Variants in ACOT11 observed in about 807,000 individuals in gnomAD.
ACOT11 encodes acyl-CoA thioesterase 11, also known as acyl-coenzyme A thioesterase 11.
ACOT11 carries 69 observed loss-of-function variants against 77.5 expected under a neutral mutation model. The observed-to-expected ratio is 0.89, with a 90% confidence interval of 0.73 to 1.09. The LOEUF is 1.09. Ranked by LOEUF, ACOT11 falls within the 50% of genes least tolerant of loss-of-function variation. The probability of loss-of-function intolerance (pLI) is 0.00; values close to 1 mark genes in which losing one functional copy is unlikely to be tolerated. For synonymous variants in ACOT11, 279 were observed against 313.0 expected, an observed-to-expected ratio of 0.89 and a Z score of 1.15; for missense variants, 766 against 813.7, an observed-to-expected ratio of 0.94 and a Z score of 0.71.
intron 1 of ACOT11, chr1:54,548,546 G>A: frequency 1.5e-6 from 1 of 667,992 alleles, no homozygotes; most frequent in East Asian, 2.8e-5. Flanking sequence ...CCCAGGGGCT[G>A]TCAGATCCCC....
chr1:54,560,181 C>T (rs1653414095), intron 1 of ACOT11, among the ~76,000 whole-genome samples: 1 of 152,290 alleles, frequency 6.6e-6, no homozygotes, highest in African/African-American at 2.4e-5. Flanking sequence ...GAGGTACAAA[C>T]CTACTATGGC....
intron 8 of ACOT11, 75 bp from the exon 9 acceptor site, chr1:54,601,190 TGTGA>T (rs1238267666): frequency 2.8e-5 from 43 of 1,530,712 alleles, no homozygotes; most frequent in South Asian, 6.0e-5. Flanking sequence ...CATGTGTGTG[TGTGA>T]GTGTGTGTGT....
intron 1 of ACOT11, among the ~76,000 whole-genome samples, chr1:54,571,425 G>A (rs1461990632): frequency 6.6e-6 from 1 of 152,226 alleles, no homozygotes; most frequent in Non-Finnish European, 1.5e-5. Flanking sequence ...GCTTGAGGCT[G>A]AAGGCAGCAT....
intron 16 of ACOT11, among the ~76,000 whole-genome samples, chr1:54,633,617 A>G (rs1443864887): frequency 6.6e-6 from 1 of 152,228 alleles, no homozygotes; most frequent in African/African-American, 2.4e-5. Context: ...CAGCCCAACA[A>G]TTTGCCAGAC....
At chr1:54,565,978 C>T (rs1653717760) in intron 1 of ACOT11, among the ~76,000 whole-genome samples, 1 of 152,212 alleles carries the variant, frequency 6.6e-6, no homozygotes, top group Non-Finnish European at 1.5e-5. Context: ...CTCCCTCCCT[C>T]CTTCCTACCT....
intron 1 of ACOT11, among the ~76,000 whole-genome samples, chr1:54,582,768 C>T (rs180771854): frequency 1.3e-5 from 2 of 152,252 alleles, no homozygotes; most frequent in East Asian, 3.9e-4. Context: ...TGTGTGTCGG[C>T]GTCCCTGTGT....
intron 3 of ACOT11, among the ~76,000 whole-genome samples, chr1:54,588,689 C>T (rs115764941): frequency 0.022 from 3,372 of 152,240 alleles, 125 homozygotes; most frequent in African/African-American, 0.077. Flanking sequence ...TGTGTCTGGG[C>T]CAGCTCCAGG....
At chr1:54,635,105 C>T (rs1197615290) in exon 17 of ACOT11, 3 of 275,422 alleles carry the variant, frequency 1.1e-5, no homozygotes, top group Non-Finnish European at 2.0e-5. Context: ...TTGAGGCATA[C>T]CACCCTCAAA....
chr1:54,601,139 A>ATG, intron 8 of ACOT11, 130 bp from the exon 9 acceptor site: 2 of 913,770 alleles, frequency 2.2e-6, no homozygotes, highest in African/African-American at 2.1e-5. Flanking sequence ...GTGTGTGCAT[A>ATG]CGTGTGTGTG....
chr1:54,550,910 C>G (rs1038048985), intron 1 of ACOT11, among the ~76,000 whole-genome samples: 24 of 151,798 alleles, frequency 1.6e-4, no homozygotes, highest in African/African-American at 5.8e-4. Context: ...GAGGCCGAGA[C>G]GGGTGGATCA....
intron 11 of ACOT11, 125 bp from the exon 12 acceptor site, chr1:54,604,221 C>A: frequency 1.2e-6 from 1 of 846,404 alleles, no homozygotes; most frequent in Non-Finnish European, 1.9e-6. Context: ...CAGCACCTGC[C>A]GCACCACCCA....
intron 5 of ACOT11, among the ~76,000 whole-genome samples, chr1:54,594,336 G>A (rs1654820005): frequency 6.6e-6 from 1 of 152,210 alleles, no homozygotes; most frequent in South Asian, 2.1e-4. Flanking sequence ...CTGAGCCTTT[G>A]GCCAAGGAAG....
intron 1 of ACOT11, among the ~76,000 whole-genome samples, chr1:54,553,327 C>G (rs1653138959): frequency 6.6e-6 from 1 of 151,436 alleles, no homozygotes; most frequent in South Asian, 2.1e-4. Flanking sequence ...ACCAGCCTGA[C>G]CAACATGGAG....
intron 15 of ACOT11, among the ~76,000 whole-genome samples, chr1:54,623,775 G>A (rs1644254002): frequency 6.6e-6 from 1 of 152,194 alleles, no homozygotes; most frequent in African/African-American, 2.4e-5. Context: ...GAGTCCTGGA[G>A]CAAGTGTCTG....
At chr1:54,627,587 A>G (rs1255517977) in intron 15 of ACOT11, among the ~76,000 whole-genome samples, 1 of 135,550 alleles carries the variant, frequency 7.4e-6, no homozygotes, top group Non-Finnish European at 1.7e-5. Context: ...GGGCTCCAGC[A>G]TTTCAGATGT....
Position 54,607,144 on chromosome 1 carries a change from C to T in ACOT11, c.1381C>T (p.Leu461=), listed in dbSNP as rs1569767233. The T allele has an allele frequency of 6.2e-7, 1 of 1,614,114 alleles. No individual in the cohort carries two copies. The highest frequency in any genetic ancestry group is 1.3e-5 in the African/African-American group (1 of 75,050). ...CCGGCCTCCCCACAGGAGCGTGGAG[C>T]TAGTGCAGCAGGTAGACGAGGACGA... ...EWDKHYRSVE[L]VQQVDEDDAI... Residue 461 remains leucine, a synonymous_variant, in exon 14 of 16, where the codon CTA becomes TTA. Transcript: ENST00000343744. This position sits in a 1 kb window ranked among gnomAD's most constrained non-coding sequence, Gnocchi z 4.5.
chr1:54,624,409 C>T lies in ACOT11; in HGVS notation c.1630-6325C>T, dbSNP rs377521676. Among the ~76,000 whole-genome samples the T allele has an allele frequency of 7.2e-5, 11 of 152,156 alleles. No homozygotes were observed. The South Asian group carries it at 8.3e-4, about 11-fold the overall frequency. ...GAGGGATTTTGGTCATGGGGCTTGT[C>T]GTGGGTCATTCCTGAGTCCATTTTC... On this transcript the variant is annotated intron_variant, in intron 15 of 16. Transcript: ENST00000371316.
chr1:54,629,558 T>A (rs1644289414), intron 15 of ACOT11, among the ~76,000 whole-genome samples: 1 of 133,434 alleles, frequency 7.5e-6, no homozygotes, highest in African/African-American at 2.5e-5. Context: ...AGGGCTGGGA[T>A]TACAGGCGCG....
rs1438410388 is a variant in ACOT11, at chr1:54,548,318, G to C, written c.9G>C (p.Gln3His). The change falls in exon 1 of 16, where the codon CAG (glutamine) becomes CAC (histidine). Residue 3 changes from glutamine to histidine, a missense_variant. Gln to His is a conservative substitution (Grantham distance 24). Transcript: ENST00000343744. ...CCCGGCCACCCGGCGCGATGATCCA[G>C]AATGTCGGAAATCACCTGCGACGGG... MI[Q>H]NVGNHLRRGL... 2 of 1,601,498 alleles carry C rather than the reference G, an allele frequency of 1.2e-6. No homozygotes were observed. Among genetic ancestry groups the C allele is most frequent in the Non-Finnish European group, 1.7e-6 (2 of 1,174,636 alleles).
Sources: gnomAD v4.1 joint callset for allele counts (sites outside exome capture counted in the v4.1 genomes callset) on GRCh38, gnomAD v4.1.1 for gene constraint, Gnocchi (gnomAD v3.1) non-coding constraint, MANE v1.5 for transcripts, NCBI Gene and HGNC (gene_info 2026-07-23, HGNC 2026-07-21) for gene names.